Variants in CHD1 observed in about 807,000 individuals in gnomAD.
The protein encoded by CHD1 is ATP-dependent chromatin remodeler CHD1.
A neutral mutation model predicts 224.2 loss-of-function variants in CHD1; 36 were observed. The ratio of observed to expected loss-of-function variants is 0.16; its 90% CI spans 0.12 to 0.21. CHD1 has a LOEUF of 0.21. CHD1 is among the 10% of genes least tolerant of loss of function. The probability of loss-of-function intolerance (pLI) is 1.00; values close to 1 mark genes in which losing one functional copy is unlikely to be tolerated. For synonymous variants in CHD1, 668 were observed against 658.3 expected (o/e 1.01, Z -0.23); for missense variants, 1,378 against 1,994.8 (o/e 0.69, Z 5.89).
chr5:98,861,013 T>C (rs187814251), intron 32 of CHD1, among the ~76,000 whole-genome samples: 5 of 152,196 alleles, frequency 3.3e-5, no homozygotes, highest in East Asian at 3.9e-4. Flanking sequence ...AAATATATTT[T>C]CCCCCCAAAA....
At chr5:98,892,215 CAT>C (rs1446340816) in intron 15 of CHD1, among the ~76,000 whole-genome samples, 12 of 152,106 alleles carry the variant, frequency 7.9e-5, no homozygotes, top group Non-Finnish European at 1.6e-4. Flanking sequence ...TTGTCATAAT[CAT>C]ATAATACCTT....
intron 29 of CHD1, among the ~76,000 whole-genome samples, chr5:98,870,385 T>C (rs1306792346): frequency 1.3e-5 from 2 of 152,096 alleles, no homozygotes; most frequent in Non-Finnish European, 2.9e-5. Flanking sequence ...ATGTAGGCTA[T>C]GTAAGGCTTG....
Position 98,855,303 on chromosome 5 carries a change from ATGT to A in CHD1, c.*1074_*1076del, listed in dbSNP as rs1187074604. 1 of 152,560 alleles carries A rather than the reference ATGT, an allele frequency of 6.6e-6. No individual in the cohort carries two copies. The highest frequency in any genetic ancestry group is 2.4e-5 in the African/African-American group (1 of 41,426). 9.5% of individuals were successfully genotyped at this position (152,560 alleles called of 1,614,324 possible). On this transcript the variant is annotated 3_prime_UTR_variant, in exon 36 of 36. Transcript: ENST00000614616. ...TAAAAGTCAATCAAGTTTATCTAAA[ATGT>A]TAACCTGGCTGCATAGCACATTTGA...
rs1400324444 is a variant in CHD1 at position 98,928,561 on chromosome 5, G to A, written c.-171C>T. 1 of 151,880 alleles carries A rather than the reference G, an allele frequency of 6.6e-6. No individual in the cohort carries two copies. The highest frequency in any genetic ancestry group is 2.4e-5 in the African/African-American group (1 of 41,332). 9.4% of individuals were successfully genotyped at this position (151,880 alleles called of 1,614,324 possible). A position where few individuals can be genotyped will look rare whatever the true frequency, so the allele number is the denominator to read the frequency against. On this transcript the variant is annotated 5_prime_UTR_variant, in exon 1 of 36. Coordinates refer to ENST00000614616, the MANE Select transcript of CHD1 (RefSeq NM_001270.4). ...TACCGGCGGGCTTGGCGGGGCGGAG[G>A]GAGCCGACTCGGGTGGACGGCCTCC...
At position 98,928,716 on chromosome 5, in the gene CHD1, A is replaced by T. The variant is rs1240354917; in HGVS notation, c.-326T>A. 6.5e-6 allele frequency: 1 copy of T among 153,802 alleles called. No individual in the cohort carries two copies. Among genetic ancestry groups the T allele is most frequent in the Non-Finnish European group, 1.5e-5 (1 of 68,824 alleles). 9.5% of individuals were successfully genotyped at this position (153,802 alleles called of 1,614,324 possible). A position where few individuals can be genotyped will look rare whatever the true frequency, so the allele number is the denominator to read the frequency against. ...GGAAGGGGAAGCCCCGGTCCGCAGC[A>T]CCAACGCGCGATCCCCTGCGGAGTG... On this transcript the variant is annotated 5_prime_UTR_variant, in exon 1 of 36. Transcript: ENST00000614616.
At chr5:98,884,793 C>T (rs573248283) in intron 18 of CHD1, among the ~76,000 whole-genome samples, 3 of 151,776 alleles carry the variant, frequency 2.0e-5, no homozygotes, top group African/African-American at 4.8e-5. Flanking sequence ...CATGGCTCAC[C>T]GCAGCCTCAA....
intron 22 of CHD1, 47 bp from the exon 23 acceptor site, chr5:98,879,775 T>C (rs199572247): frequency 7.3e-7 from 1 of 1,363,898 alleles, no homozygotes; most frequent in East Asian, 2.4e-5. Flanking sequence ...GAAAAATTGA[T>C]CCCTAAAAGT....
intron 32 of CHD1, among the ~76,000 whole-genome samples, chr5:98,861,793 T>A (rs549908511): frequency 1.2e-3 from 185 of 152,078 alleles, no homozygotes; most frequent in East Asian, 2.9e-3. Context: ...TGAGCCATTG[T>A]GCCCAGCCCA....
intron 14 of CHD1, 148 bp downstream of exon 14, chr5:98,893,268 G>C (rs747111568): frequency 1.8e-5 from 9 of 507,906 alleles, no homozygotes; most frequent in Admixed American, 1.6e-4. Flanking sequence ...CAAACTACCT[G>C]ACCTCATTTT....
intron 2 of CHD1, among the ~76,000 whole-genome samples, chr5:98,920,751 C>T (rs1014954635): frequency 6.7e-6 from 1 of 150,218 alleles, no homozygotes; most frequent in African/African-American, 2.5e-5. Flanking sequence ...GAGGTGAGAT[C>T]GTGCCATTGC....
rs773225823 is a variant in CHD1 at position 98,872,560 on chromosome 5, A to AT, written c.3572-6dup. The AT allele has an allele frequency of 7.0e-5, 112 of 1,610,648 alleles. No individual in the cohort carries two copies. The highest frequency in any genetic ancestry group is 1.1e-4 in the African/African-American group (8 of 74,688). ...TCACTTTTCCGAGTCTACCACCTTG[A>AT]TTTTTTTTAAAAAAACCAGTATTTT... On this transcript the variant is annotated splice_region_variant and splice_polypyrimidine_tract_variant and intron_variant, in intron 26 of 35. Transcript: ENST00000614616.
Position 98,894,699 on chromosome 5 carries a change from T to A in CHD1, c.1711-13A>T. On this transcript the variant is annotated splice_polypyrimidine_tract_variant and intron_variant, in intron 12 of 35. Transcript: ENST00000614616. The stretch of plus-strand genomic sequence containing the variant: ...CATGAGTTCTTATCTATTAAGAAAT[T>A]TGAAGGACAATTTTTAAGACAAACA... 4 of 1,276,276 alleles carry A rather than the reference T, an allele frequency of 3.1e-6. No homozygotes were observed. The highest frequency in any genetic ancestry group is 4.4e-6 in the Non-Finnish European group (4 of 906,482). 79.1% of individuals were successfully genotyped at this position (1,276,276 alleles called of 1,614,324 possible).
intron 32 of CHD1, chr5:98,860,445 C>A: frequency 3.9e-6 from 1 of 256,196 alleles, no homozygotes; most frequent in Non-Finnish European, 7.7e-6. Flanking sequence ...AGTGGAAATA[C>A]CATCAGATAA....
intron 34 of CHD1, chr5:98,858,607 T>C (rs375755377): frequency 2.2e-5 from 11 of 507,926 alleles, no homozygotes; most frequent in African/African-American, 1.3e-4. Context: ...AACTAAAAAA[T>C]ATGGGACCTA....
At chr5:98,886,117 C>A (rs552721841) in intron 17 of CHD1, 1 of 152,966 alleles carries the variant, frequency 6.5e-6, no homozygotes, top group African/African-American at 2.4e-5. Context: ...ATTAGTGTCA[C>A]CTGAGAACAT....
chr5:98,855,746 T>G lies in CHD1; in HGVS notation c.*634A>C, dbSNP rs759648095. On this transcript the variant is annotated 3_prime_UTR_variant, in exon 36 of 36. Coordinates refer to ENST00000614616, the MANE Select transcript of CHD1 (RefSeq NM_001270.4). ...AAAAAGCCTGAGAAAGGGAAGGAAGTAAGGAAAGTTCCTTTAATATTTACA... is the reference window on the plus strand; with the variant it reads ...AAAAAGCCTGAGAAAGGGAAGGAAGGAAGGAAAGTTCCTTTAATATTTACA... 14 of 151,648 alleles carry G rather than the reference T, an allele frequency of 9.2e-5. No homozygotes were observed. Among genetic ancestry groups the G allele is most frequent in the Non-Finnish European group, 1.6e-4 (11 of 67,894 alleles). The allele number at this position is 151,648 out of a possible 1,614,324, so 9.4% of individuals were successfully genotyped here. A position where few individuals can be genotyped will look rare whatever the true frequency, so the allele number is the denominator to read the frequency against.
intron 2 of CHD1, among the ~76,000 whole-genome samples, chr5:98,917,126 T>C (rs1337066903): frequency 6.6e-6 from 1 of 152,100 alleles, no homozygotes; most frequent in Non-Finnish European, 1.5e-5. Context: ...ATCCTAGGAC[T>C]CATTAGCTTT....
chr5:98,875,223 G>A, intron 24 of CHD1, 110 bp from the exon 25 acceptor site: 1 of 619,066 alleles, frequency 1.6e-6, no homozygotes, highest in Non-Finnish European at 2.8e-6. Flanking sequence ...AAAAATTCAA[G>A]GCACTGTTAT....
At position 98,875,064 on chromosome 5, in the gene CHD1, G is replaced by GT; in HGVS notation, c.3440+7dup. The GT allele has an allele frequency of 7.4e-7, 1 of 1,347,828 alleles. No homozygotes were observed. The highest frequency in any genetic ancestry group is 1.1e-6 in the Non-Finnish European group (1 of 946,808). 83.5% of individuals were successfully genotyped at this position (1,347,828 alleles called of 1,614,324 possible). On this transcript the variant is annotated splice_region_variant and intron_variant, in intron 25 of 35. Coordinates refer to ENST00000614616, the MANE Select transcript of CHD1 (RefSeq NM_001270.4). ...CCATTATTCTATGAGAATAATAAAC[G>GT]TATTTACCTTTCCAGAGGACCACCA...
Sources: gnomAD v4.1 joint callset for allele counts (sites outside exome capture counted in the v4.1 genomes callset) on GRCh38, gnomAD v4.1.1 for gene constraint, MANE v1.5 for transcripts, NCBI Gene and HGNC (gene_info 2026-07-23, HGNC 2026-07-21) for gene names.